The following PDZD2 variants were observed in gnomAD, a reference collection of about 807,000 sequenced individuals.
PDZD2 encodes the protein PDZ domain-containing protein 2.
Under a neutral mutation model 220.7 loss-of-function variants are expected in PDZD2, and 90 were observed. The observed-to-expected ratio is 0.41, with a 90% CI of 0.34 to 0.49. The LOEUF is 0.49. PDZD2 is among the 20% of genes least tolerant of loss of function. The pLI is 0.28. For synonymous variants in PDZD2, 1,375 were observed against 1,450.5 expected (o/e 0.95, Z 1.18); for missense variants, 3,174 against 3,608.5 (o/e 0.88, Z 3.08).
chr5:31,834,647 T>C (rs1756833230), intron 2 of PDZD2, among the ~76,000 whole-genome samples: 1 of 151,422 alleles, frequency 6.6e-6, no homozygotes, highest in Non-Finnish European at 1.5e-5. Flanking sequence ...TGACCTCAGC[T>C]TGTGGAGGAA....
At chr5:31,653,112 T>C (rs2150107831) in intron 1 of PDZD2, among the ~76,000 whole-genome samples, 2 of 152,302 alleles carry the variant, frequency 1.3e-5, no homozygotes, top group South Asian at 4.1e-4. Flanking sequence ...GTGGCATATT[T>C]GCTGATAGAT....
chr5:31,989,459 G>A (rs1334560802), intron 3 of PDZD2, among the ~76,000 whole-genome samples: 8 of 113,816 alleles, frequency 7.0e-5, no homozygotes, highest in East Asian at 3.5e-4. Context: ...GTCTCACTCC[G>A]TCACCCAGGC....
At chr5:31,966,903 C>A (rs1748809259) in intron 2 of PDZD2, among the ~76,000 whole-genome samples, 1 of 152,186 alleles carries the variant, frequency 6.6e-6, no homozygotes, top group African/African-American at 2.4e-5. Flanking sequence ...AAGAGAAAAT[C>A]AGATCTTCAA....
At chr5:31,662,356 T>TA (rs1745801952) in intron 1 of PDZD2, among the ~76,000 whole-genome samples, 1 of 152,130 alleles carries the variant, frequency 6.6e-6, no homozygotes, top group African/African-American at 2.4e-5. Flanking sequence ...CTTTTATCTG[T>TA]AAAAGAAGAA....
At chr5:31,840,242 A>ACAAAACAAAG in intron 2 of PDZD2, among the ~76,000 whole-genome samples, 1 of 150,964 alleles carries the variant, frequency 6.6e-6, no homozygotes, top group South Asian at 2.1e-4. Flanking sequence ...ACAAAACAAA[A>ACAAAACAAAG]CAAAACAAAA....
intron 8 of PDZD2, 22 bp from the exon 9 acceptor site, chr5:32,052,589 C>G (rs373326218): frequency 1.2e-6 from 2 of 1,611,988 alleles, no homozygotes; most frequent in Non-Finnish European, 1.7e-6. Flanking sequence ...AATCTCTGAC[C>G]TTGCCGTGTG....
At chr5:31,798,518 G>A (rs1284329158) in intron 1 of PDZD2, among the ~76,000 whole-genome samples, 1 of 152,200 alleles carries the variant, frequency 6.6e-6, no homozygotes, top group African/African-American at 2.4e-5. Context: ...TTTTAGGAGT[G>A]TAAGATTTTA....
At chr5:31,793,966 C>T (rs1442058301) in intron 1 of PDZD2, among the ~76,000 whole-genome samples, 3 of 152,066 alleles carry the variant, frequency 2.0e-5, no homozygotes, top group South Asian at 2.1e-4. Context: ...GTGATTTCAG[C>T]GTGCTCATTC....
chr5:32,048,790 TAGAG>T (rs1738232624), intron 8 of PDZD2, 106 bp downstream of exon 8: 3 of 1,185,570 alleles, frequency 2.5e-6, no homozygotes, highest in Non-Finnish European at 3.6e-6. Context: ...AGAAGTGGGA[TAGAG>T]AGAGACAGCA....
intron 24 of PDZD2, chr5:32,106,480 T>G (rs571570472): frequency 2.0e-5 from 3 of 152,370 alleles, no homozygotes; most frequent in African/African-American, 7.2e-5. Flanking sequence ...CTCTACTTCA[T>G]CTCATTCAGT....
At chr5:32,037,949 C>G (rs1353168500) in intron 7 of PDZD2, among the ~76,000 whole-genome samples, 1 of 151,356 alleles carries the variant, frequency 6.6e-6, no homozygotes, top group South Asian at 2.1e-4. Context: ...TCAAGCAATT[C>G]TCCTGCCTCA....
intron 2 of PDZD2, among the ~76,000 whole-genome samples, chr5:31,853,420 A>T (rs1332741028): frequency 6.6e-6 from 1 of 152,170 alleles, no homozygotes; most frequent in Non-Finnish European, 1.5e-5. Context: ...CCGAAGGAGG[A>T]ATACCATGAC....
intron 2 of PDZD2, among the ~76,000 whole-genome samples, chr5:31,830,001 T>C (rs1756468206): frequency 6.6e-6 from 1 of 151,930 alleles, no homozygotes; most frequent in Non-Finnish European, 1.5e-5. Flanking sequence ...TGAACCAAGA[T>C]CATGCCACTG....
intron 5 of PDZD2, among the ~76,000 whole-genome samples, chr5:32,008,854 G>T (rs1397834256): frequency 6.6e-6 from 1 of 152,222 alleles, no homozygotes; most frequent in South Asian, 2.1e-4. Context: ...TTCGGAAGGA[G>T]AGGTGTTCAA....
chr5:31,695,073 G>A (rs1286572339), intron 1 of PDZD2, among the ~76,000 whole-genome samples: 9 of 151,812 alleles, frequency 5.9e-5, no homozygotes, highest in African/African-American at 1.7e-4. Flanking sequence ...GCAGTGAGCC[G>A]AGATCGCACC....
chr5:31,710,965 A>G (rs1748070787), intron 1 of PDZD2, among the ~76,000 whole-genome samples: 1 of 152,220 alleles, frequency 6.6e-6, no homozygotes, highest in Non-Finnish European at 1.5e-5. Flanking sequence ...CATGTTGTAA[A>G]AAGAAAAAAG....
rs546131552 is a variant in PDZD2 at position 31,946,671 on chromosome 5, T to G, written c.477-36484T>G. ...TCCTTTTTTTCTTCAAAGGAAAGGC[T>G]CCATAGATTATTCTTTTTGTTTCGT... On this transcript the variant is annotated intron_variant, in intron 2 of 24. Transcript: ENST00000438447. Among the ~76,000 whole-genome samples the G allele has an allele frequency of 1.8e-3, 280 of 152,294 alleles. 1 individual carries two copies. The highest frequency in any genetic ancestry group is 0.01 in the Middle Eastern group (3 of 294).
intron 8 of PDZD2, among the ~76,000 whole-genome samples, chr5:32,048,927 C>T (rs1294631395): frequency 2.0e-5 from 3 of 152,086 alleles, no homozygotes; most frequent in Non-Finnish European, 2.9e-5. Flanking sequence ...TGTTTTGGAA[C>T]CTAGAGGTGC....
chr5:31,995,820 C>T (rs946831284), intron 4 of PDZD2, 102 bp downstream of exon 4: 16 of 1,055,162 alleles, frequency 1.5e-5, no homozygotes, highest in Admixed American at 9.0e-5. Context: ...AAAGCCCTGG[C>T]GATTATAGTT....
Sources: gnomAD v4.1 joint callset for allele counts (sites outside exome capture counted in the v4.1 genomes callset) on GRCh38, gnomAD v4.1.1 for gene constraint, MANE v1.5 for transcripts, NCBI Gene and HGNC (gene_info 2026-07-23, HGNC 2026-07-21) for gene names.